Variants in KIAA1958 observed in about 807,000 individuals in gnomAD.
KIAA1958 encodes the protein uncharacterized protein KIAA1958.
A neutral mutation model predicts 47.2 loss-of-function variants in KIAA1958; 14 were observed. That is an observed-to-expected ratio of 0.30 (90% CI 0.20 to 0.46). KIAA1958 has a LOEUF of 0.46. Among genes scored for constraint, KIAA1958 ranks in the 20% least tolerant of loss-of-function variants. The pLI, the probability that KIAA1958 is intolerant of heterozygous loss-of-function variation, is 1.00. For missense variants in KIAA1958, 803 were observed against 909.2 expected, an observed-to-expected ratio of 0.88 and a Z score of 1.50; for synonymous variants, 354 against 353.3, an observed-to-expected ratio of 1.00 and a Z score of -0.02.
At chr9:112,605,426 C>T (rs1836213674) in intron 2 of KIAA1958, among the ~76,000 whole-genome samples, 2 of 151,950 alleles carry the variant, frequency 1.3e-5, no homozygotes, top group South Asian at 2.1e-4. Flanking sequence ...TGGATCATTT[C>T]GTTTTCTGAG....
chr9:112,556,770 CCT>C (rs1835249147), intron 1 of KIAA1958, among the ~76,000 whole-genome samples: 1 of 152,184 alleles, frequency 6.6e-6, no homozygotes, highest in Non-Finnish European at 1.5e-5. Context: ...TGACCCCTCC[CCT>C]CTCTGAATCA....
At chr9:112,587,670 C>A (rs1476116138) in intron 2 of KIAA1958, among the ~76,000 whole-genome samples, 1 of 151,938 alleles carries the variant, frequency 6.6e-6, no homozygotes, top group Non-Finnish European at 1.5e-5. Context: ...TTTCTTAGAC[C>A]CAAAGAAAGC....
chr9:112,568,559 A>T (rs1438328486), intron 1 of KIAA1958, among the ~76,000 whole-genome samples: 1 of 152,062 alleles, frequency 6.6e-6, no homozygotes. Flanking sequence ...AAATGATAAG[A>T]TGAAATACAT....
chr9:112,517,561 C>T (rs974777076), intron 1 of KIAA1958, among the ~76,000 whole-genome samples: 1 of 152,062 alleles, frequency 6.6e-6, no homozygotes, highest in African/African-American at 2.4e-5. Flanking sequence ...ATGACACCAG[C>T]AAAATTTCAT....
At chr9:112,551,525 T>A (rs1432758277) in intron 1 of KIAA1958, among the ~76,000 whole-genome samples, 5 of 152,262 alleles carry the variant, frequency 3.3e-5, no homozygotes, top group East Asian at 1.9e-4. Flanking sequence ...AAGTATTTTT[T>A]AAAAATCTTA....
At chr9:112,595,599 AC>A (rs1217215261) in intron 2 of KIAA1958, among the ~76,000 whole-genome samples, 3 of 150,742 alleles carry the variant, frequency 2.0e-5, no homozygotes, top group African/African-American at 4.9e-5. Context: ...AATCACTTGA[AC>A]CCAGGAGGCA....
chr9:112,526,886 T>G (rs1834667209), intron 1 of KIAA1958, among the ~76,000 whole-genome samples: 1 of 152,188 alleles, frequency 6.6e-6, no homozygotes, highest in Non-Finnish European at 1.5e-5. Context: ...TTTTTAGGGT[T>G]TTAAGAAAGA....
chr9:112,640,858 T>C (rs1836878275), intron 2 of KIAA1958, among the ~76,000 whole-genome samples: 2 of 152,212 alleles, frequency 1.3e-5, no homozygotes, highest in African/African-American at 4.8e-5. Context: ...AAGTTTTCTA[T>C]ACATCATGGC....
intron 1 of KIAA1958, among the ~76,000 whole-genome samples, chr9:112,539,922 C>G (rs1336667764): frequency 6.6e-6 from 1 of 152,016 alleles, no homozygotes; most frequent in Admixed American, 6.6e-5. Flanking sequence ...AACTCCTGAC[C>G]TCAAATGATT....
At chr9:112,577,606 G>C (rs1279886573) in intron 2 of KIAA1958, among the ~76,000 whole-genome samples, 1 of 151,368 alleles carries the variant, frequency 6.6e-6, no homozygotes, top group African/African-American at 2.4e-5. Context: ...ACCCAGTTTG[G>C]TGAGAGTATT....
Position 112,659,826 on chromosome 9 carries a change from C to T in KIAA1958, c.1908C>T (p.Tyr636=). The change falls in exon 4 of 4, where the codon TAC becomes TAT. Residue 636 remains tyrosine, a synonymous_variant. Coordinates refer to ENST00000337530, the MANE Select transcript of KIAA1958 (RefSeq NM_133465.4). The part of the protein sequence containing the change: ...KQCPYCLLYK[Y]MYIHRPPTQM... The stretch of plus-strand genomic sequence containing the variant: ...GCCCTTACTGCCTCCTCTACAAGTA[C>T]ATGTACATCCACCGGCCGCCCACCC... The T allele has an allele frequency of 6.2e-7, 1 of 1,614,176 alleles. No individual in the cohort carries two copies. Among genetic ancestry groups the T allele is most frequent in the East Asian group, 2.2e-5 (1 of 44,890 alleles).
rs1479792317 is a variant in KIAA1958 at position 112,666,281 on chromosome 9, CG to C, written c.*6216del. 2 of 151,910 alleles carry C rather than the reference CG, an allele frequency of 1.3e-5. No individual in the cohort carries two copies. The highest frequency in any genetic ancestry group is 4.8e-5 in the African/African-American group (2 of 41,362). The allele number at this position is 151,910 out of a possible 1,614,324, so 9.4% of individuals were successfully genotyped here. A position where few individuals can be genotyped will look rare whatever the true frequency, so the allele number is the denominator to read the frequency against. On this transcript the variant is annotated 3_prime_UTR_variant, in exon 4 of 4. Coordinates refer to ENST00000337530, the MANE Select transcript of KIAA1958 (RefSeq NM_133465.4). ...CGTTTTCTGTTCTTTTTTCCTTTAT[CG>C]GGGCATATTTATTTTCTCTTTGGAG...
intron 2 of KIAA1958, among the ~76,000 whole-genome samples, chr9:112,633,483 A>G (rs1410686903): frequency 6.6e-6 from 1 of 152,072 alleles, no homozygotes; most frequent in Admixed American, 6.6e-5. Context: ...ATGTTTTCTT[A>G]TTGAATTATA....
At position 112,663,012 on chromosome 9, in the gene KIAA1958, A is replaced by T. The variant is rs1322705185; in HGVS notation, c.*2943A>T. The T allele has an allele frequency of 2.0e-5, 3 of 152,118 alleles. No homozygotes were observed. Among genetic ancestry groups the T allele is most frequent in the Non-Finnish European group, 4.4e-5 (3 of 68,020 alleles). The allele number at this position is 152,118 out of a possible 1,614,324, so 9.4% of individuals were successfully genotyped here. ...AGAATCCCCAGAGAAAGAAGTGGGG[A>T]GGTAAAGAGCGTTTTCTCCACTTAC... is the stretch of plus-strand genomic sequence containing the variant. On this transcript the variant is annotated 3_prime_UTR_variant, in exon 4 of 4. Transcript: ENST00000337530.
chr9:112,567,888 G>A (rs1835452526), intron 1 of KIAA1958, among the ~76,000 whole-genome samples: 1 of 150,340 alleles, frequency 6.7e-6, no homozygotes, highest in Non-Finnish European at 1.5e-5. Context: ...AATCTGTGAG[G>A]CGGAGGTTGC....
intron 1 of KIAA1958, among the ~76,000 whole-genome samples, chr9:112,508,191 C>T (rs757211093): frequency 3.9e-5 from 6 of 151,986 alleles, no homozygotes; most frequent in Admixed American, 1.3e-4. Context: ...TTCGGAGCTT[C>T]CAGGGAAAAT....
chr9:112,508,169 A>G (rs142318772), intron 1 of KIAA1958, among the ~76,000 whole-genome samples: 9 of 152,346 alleles, frequency 5.9e-5, no homozygotes, highest in African/African-American at 1.9e-4. Flanking sequence ...GAAAAGGATT[A>G]GGAGACTGAG....
intron 1 of KIAA1958, among the ~76,000 whole-genome samples, chr9:112,543,396 AC>A (rs1834976000): frequency 6.6e-6 from 1 of 152,120 alleles, no homozygotes; most frequent in Admixed American, 6.5e-5. Flanking sequence ...CAAAATATTA[AC>A]CACTAATAAC....
At chr9:112,493,162 G>A (rs1398185803) in intron 1 of KIAA1958, among the ~76,000 whole-genome samples, 1 of 20,584 alleles carries the variant, frequency 4.9e-5, no homozygotes, top group Admixed American at 6.7e-4. Flanking sequence ...GTTTCTTTTA[G>A]TGCTTTTTTT....
Sources: allele counts gnomAD v4.1 joint callset (sites outside exome capture counted in the v4.1 genomes callset), GRCh38; gene constraint gnomAD v4.1.1; transcripts MANE v1.5; gene names NCBI Gene and HGNC (gene_info 2026-07-23, HGNC 2026-07-21).